The following RSPRY1 variants were observed in gnomAD, a reference collection of about 807,000 sequenced individuals.
RSPRY1 encodes RING finger and SPRY domain-containing protein 1.
In RSPRY1, 23 loss-of-function variants were observed where a neutral mutation model predicts 73.1. The ratio of observed to expected loss-of-function variants is 0.31; its 90% confidence interval spans 0.23 to 0.45. The LOEUF is 0.45. RSPRY1 is among the 20% of genes least tolerant of loss of function. The pLI, the probability that RSPRY1 is intolerant of heterozygous loss-of-function variation, is 1.00. For synonymous variants in RSPRY1, 226 were observed against 251.4 expected, an observed-to-expected ratio of 0.90 and a Z score of 0.95; for missense variants, 448 against 698.7, an observed-to-expected ratio of 0.64 and a Z score of 4.05.
In RSPRY1 at chr16:57,204,706, C is replaced by T. The variant is rs528917936; in HGVS notation, c.48C>T (p.Gly16=). The change falls in exon 2 of 15, where the codon GGC becomes GGT. Residue 16 remains glycine, a synonymous_variant. Transcript: ENST00000394420. ...TGTTCTTAGCGAGCAGAAGCCTTGGCCAGGGTCTGTTGTTGACTCTCGAAG... is the reference window on the plus strand; with the variant it reads ...TGTTCTTAGCGAGCAGAAGCCTTGGTCAGGGTCTGTTGTTGACTCTCGAAG... ...WAVFLASRSL[G]QGLLLTLEEH... 185 of 1,614,166 alleles carry T rather than the reference C, an allele frequency of 1.1e-4. 1 individual carries two copies. The South Asian group carries it at 1.9e-3, about 17-fold the overall frequency.
intron 1 of RSPRY1, chr16:57,187,155 T>G (rs1311835707): frequency 6.6e-6 from 1 of 152,152 alleles, no homozygotes; most frequent in Non-Finnish European, 1.5e-5. Flanking sequence ...ACGGGAATTA[T>G]TCCCTCTCTC....
intron 6 of RSPRY1, among the ~76,000 whole-genome samples, chr16:57,215,342 T>C (rs941078250): frequency 4.6e-5 from 7 of 152,044 alleles, no homozygotes; most frequent in African/African-American, 1.2e-4. Context: ...TGAGAAGAAA[T>C]AGAATGCTGA....
rs1478693526 is a variant in RSPRY1, at chr16:57,227,303, G to C, written c.1162-39G>C. The C allele has an allele frequency of 8.5e-6, 12 of 1,403,540 alleles. No individual in the cohort carries two copies. In the East Asian group the frequency reaches 2.5e-4, roughly 29 times the overall value. 86.9% of individuals were successfully genotyped at this position (1,403,540 alleles called of 1,614,324 possible). A position where few individuals can be genotyped will look rare whatever the true frequency, so the allele number is the denominator to read the frequency against. On this transcript the variant is annotated intron_variant, in intron 10 of 14. Transcript: ENST00000394420. Reference sequence around the variant, plus strand: ...CACTCTCTGTTCCCAGGTCAGAGCAGGCAGACTTGCTAATCTTCTGGGCCT... The same window carrying C: ...CACTCTCTGTTCCCAGGTCAGAGCACGCAGACTTGCTAATCTTCTGGGCCT...
At chr16:57,236,698 A>G (rs1169588892) in intron 14 of RSPRY1, among the ~76,000 whole-genome samples, 1 of 152,248 alleles carries the variant, frequency 6.6e-6, no homozygotes, top group East Asian at 1.9e-4. Context: ...AGAAAGTAGG[A>G]AAACCACAAT....
chr16:57,189,593 C>CTTTTTTTTT (rs544146883), intron 1 of RSPRY1, among the ~76,000 whole-genome samples: 1 of 124,068 alleles, frequency 8.1e-6, no homozygotes, highest in Non-Finnish European at 1.6e-5. Flanking sequence ...CTTTTCTTTT[C>CTTTTTTTTT]TTTTTTTTTT....
At chr16:57,233,303 A>T (rs2146381284) in intron 13 of RSPRY1, among the ~76,000 whole-genome samples, 2 of 151,964 alleles carry the variant, frequency 1.3e-5, no homozygotes, top group Admixed American at 1.3e-4. Context: ...CCACATACCC[A>T]CTCTCAGCTA....
At chr16:57,213,866 A>G in intron 5 of RSPRY1, 22 bp from the exon 6 acceptor site, 1 of 1,533,214 alleles carries the variant, frequency 6.5e-7, no homozygotes, top group Non-Finnish European at 9.0e-7. Context: ...AATTATATCA[A>G]GTGTTTGTTG....
Position 57,236,747 on chromosome 16 carries a change from A to C in RSPRY1, c.1634+1519A>C, listed in dbSNP as rs112899786. Among the ~76,000 whole-genome samples, 21 of 152,352 alleles carry C rather than the reference A, an allele frequency of 1.4e-4. 1 individual carries two copies. The highest frequency in any genetic ancestry group is 5.1e-4 in the African/African-American group (21 of 41,578). Reference sequence around the variant, plus strand: ...ATCATACCAAAAGCTGATAAAACTCATAAAAAGAAAAAACTATTTTTTTAT... The same window carrying C: ...ATCATACCAAAAGCTGATAAAACTCCTAAAAAGAAAAAACTATTTTTTTAT... On this transcript the variant is annotated intron_variant, in intron 14 of 14. Coordinates refer to ENST00000394420, the MANE Select transcript of RSPRY1 (RefSeq NM_133368.3).
intron 13 of RSPRY1, among the ~76,000 whole-genome samples, chr16:57,231,631 A>G (rs375007311): frequency 5.3e-5 from 8 of 152,360 alleles, no homozygotes; most frequent in South Asian, 2.1e-4. Context: ...AACACTTTCA[A>G]ATTTTTTTTG....
At chr16:57,205,760 T>A (rs1244093782) in intron 2 of RSPRY1, among the ~76,000 whole-genome samples, 1 of 152,256 alleles carries the variant, frequency 6.6e-6, no homozygotes, top group Non-Finnish European at 1.5e-5. Context: ...GGTAAGTTAC[T>A]TCTTGAAGCC....
intron 13 of RSPRY1, among the ~76,000 whole-genome samples, chr16:57,232,812 C>T (rs773339399): frequency 1.3e-5 from 2 of 152,108 alleles, no homozygotes; most frequent in African/African-American, 2.4e-5. Context: ...ACCCAAAGTT[C>T]GTCTTGTCTT....
At chr16:57,192,623 T>C (rs1367514232) in intron 1 of RSPRY1, among the ~76,000 whole-genome samples, 1 of 152,134 alleles carries the variant, frequency 6.6e-6, no homozygotes, top group African/African-American at 2.4e-5. Context: ...CAGGACTATA[T>C]TCTGTAATTC....
chr16:57,196,034 A>AAAAAAT (rs1555499007), intron 1 of RSPRY1, among the ~76,000 whole-genome samples: 17 of 122,794 alleles, frequency 1.4e-4, no homozygotes, highest in African/African-American at 5.1e-4. Flanking sequence ...AAAAAAAAAA[A>AAAAAAT]ATATATATAT....
At chr16:57,234,952 T>A (rs1297824199) in intron 13 of RSPRY1, among the ~76,000 whole-genome samples, 172 bp from the exon 14 acceptor site, 1 of 152,240 alleles carries the variant, frequency 6.6e-6, no homozygotes, top group Non-Finnish European at 1.5e-5. Context: ...CATTCTCTAC[T>A]TTAGAAAATG....
At chr16:57,216,000 C>G in intron 6 of RSPRY1, 107 bp from the exon 7 acceptor site, 1 of 830,532 alleles carries the variant, frequency 1.2e-6, no homozygotes, top group Admixed American at 2.4e-5. Context: ...TCTGACCACT[C>G]GAAAAAACAT....
intron 13 of RSPRY1, 122 bp downstream of exon 13, chr16:57,231,441 G>A (rs1388137179): frequency 2.2e-6 from 2 of 892,802 alleles, no homozygotes; most frequent in Non-Finnish European, 3.3e-6. Flanking sequence ...TAAAATGGAT[G>A]ACTTTTCAGG....
intron 1 of RSPRY1, among the ~76,000 whole-genome samples, chr16:57,202,899 T>TATATATATAC (rs1361081298): frequency 3.4e-5 from 5 of 147,222 alleles, no homozygotes; most frequent in Non-Finnish European, 7.5e-5. Context: ...TATATATATA[T>TATATATATAC]ATATATATCT....
At chr16:57,186,232 A>C (rs948222068), upstream of RSPRY1, 2 of 942,714 alleles carry the variant, frequency 2.1e-6, no homozygotes, top group East Asian at 2.3e-4. Context: ...ACGATTTTTG[A>C]AAGGTGATTG....
chr16:57,213,820 G>A, intron 5 of RSPRY1, 68 bp from the exon 6 acceptor site: 1 of 1,143,726 alleles, frequency 8.7e-7, no homozygotes, highest in Non-Finnish European at 1.3e-6. Flanking sequence ...AAAACAATTT[G>A]ATTGTTACCA....
Sources: allele counts gnomAD v4.1 joint callset (sites outside exome capture counted in the v4.1 genomes callset), GRCh38; gene constraint gnomAD v4.1.1; transcripts MANE v1.5; gene names NCBI Gene and HGNC (gene_info 2026-07-23, HGNC 2026-07-21).